The following EML6 variants were observed in gnomAD, a reference collection of about 807,000 sequenced individuals.
The protein encoded by EML6 is EMAP like 6.
Under a neutral mutation model 240.1 loss-of-function variants are expected in EML6, and 154 were observed. The ratio of observed to expected loss-of-function variants is 0.64; its 90% CI spans 0.56 to 0.73. The LOEUF (loss-of-function observed/expected upper bound fraction) is 0.73, where lower values mean the gene tolerates loss of function less well. Among genes scored for constraint, EML6 ranks in the 30% least tolerant of loss-of-function variants. The pLI, the probability that EML6 is intolerant of heterozygous loss-of-function variation, is 0.00. For synonymous variants in EML6, 1,148 were observed against 899.0 expected (o/e 1.28, Z -4.95); for missense variants, 2,964 against 2,474.6 (o/e 1.20, Z -4.20).
At chr2:54,828,524 A>G (rs1354845163) in intron 6 of EML6, among the ~76,000 whole-genome samples, 3 of 152,254 alleles carry the variant, frequency 2.0e-5, no homozygotes, top group Non-Finnish European at 2.9e-5. Context: ...TTGATTCCCT[A>G]TACCCTTAAT....
chr2:54,969,821 G>T (rs1027127844), intron 41 of EML6, among the ~76,000 whole-genome samples: 1 of 152,088 alleles, frequency 6.6e-6, no homozygotes, highest in Non-Finnish European at 1.5e-5. Flanking sequence ...AGTCCTCACG[G>T]ACCAACATTT....
chr2:54,763,568 A>G (rs1668062830), intron 2 of EML6, among the ~76,000 whole-genome samples: 1 of 152,148 alleles, frequency 6.6e-6, no homozygotes, highest in Non-Finnish European at 1.5e-5. Flanking sequence ...AATCAAACAC[A>G]GTGTTTGGCT....
chr2:54,913,615 C>T (rs1673757456), intron 25 of EML6, among the ~76,000 whole-genome samples: 1 of 152,038 alleles, frequency 6.6e-6, no homozygotes, highest in African/African-American at 2.4e-5. Context: ...TTTTCTCTGT[C>T]GATATTTTCT....
intron 24 of EML6, among the ~76,000 whole-genome samples, chr2:54,906,581 C>A (rs1303699468): frequency 2.6e-5 from 4 of 152,158 alleles, no homozygotes; most frequent in African/African-American, 9.7e-5. Context: ...AGCCACCATG[C>A]TTCTCATTGT....
chr2:54,832,606 C>G (rs1668935222), intron 7 of EML6, among the ~76,000 whole-genome samples: 1 of 152,250 alleles, frequency 6.6e-6, no homozygotes, highest in Admixed American at 6.5e-5. Context: ...GCTCCCCCTT[C>G]AGCCAGGCAA....
At chr2:54,816,290 T>G (rs542750311) in intron 3 of EML6, among the ~76,000 whole-genome samples, 232 of 152,324 alleles carry the variant, frequency 1.5e-3, no homozygotes, top group Middle Eastern at 0.014. Context: ...CTACTTAGAT[T>G]ATATTATCTT....
chr2:54,857,698 G>C (rs565026679), intron 11 of EML6, among the ~76,000 whole-genome samples: 1 of 152,290 alleles, frequency 6.6e-6, no homozygotes, highest in East Asian at 1.9e-4. Context: ...ATTTGACTTA[G>C]AACCTGAAGG....
intron 2 of EML6, among the ~76,000 whole-genome samples, chr2:54,790,850 C>T (rs371121787): frequency 1.3e-5 from 2 of 151,644 alleles, no homozygotes; most frequent in African/African-American, 4.8e-5. Context: ...CTCAGCCTCC[C>T]GAGTAGCTGG....
At chr2:54,787,512 A>G (rs1204582337) in intron 2 of EML6, among the ~76,000 whole-genome samples, 1 of 152,176 alleles carries the variant, frequency 6.6e-6, no homozygotes, top group Non-Finnish European at 1.5e-5. Flanking sequence ...CTGTAAAGAG[A>G]GATAAGTTTG....
At chr2:54,902,140 T>C (rs898457391) in intron 22 of EML6, among the ~76,000 whole-genome samples, 28 of 151,316 alleles carry the variant, frequency 1.9e-4, no homozygotes, top group African/African-American at 5.8e-4. Context: ...CTAAAGCAAG[T>C]TGTATGTAAG....
chr2:54,887,482 G>C (rs181425276), intron 17 of EML6, among the ~76,000 whole-genome samples: 1 of 152,154 alleles, frequency 6.6e-6, no homozygotes, highest in African/African-American at 2.4e-5. Context: ...CTTTGAATTT[G>C]CTGTGGTGTT....
chr2:54,915,545 TA>T (rs1245960684), intron 25 of EML6, among the ~76,000 whole-genome samples: 1 of 152,118 alleles, frequency 6.6e-6, no homozygotes, highest in Non-Finnish European at 1.5e-5. Context: ...TCTGTGTTCC[TA>T]CCCAAGGCCC....
intron 8 of EML6, among the ~76,000 whole-genome samples, chr2:54,846,871 A>C (rs1048378851): frequency 6.6e-6 from 1 of 151,666 alleles, no homozygotes; most frequent in African/African-American, 2.4e-5. Flanking sequence ...CTTGGTATAC[A>C]TAAAGGACCA....
chr2:54,849,355 G>A (rs1020847329), intron 9 of EML6, among the ~76,000 whole-genome samples: 5 of 152,122 alleles, frequency 3.3e-5, no homozygotes, highest in African/African-American at 7.2e-5. Flanking sequence ...TCAAACGCTG[G>A]ATCTTATTTC....
rs754147048 is a variant in EML6, at chr2:54,816,784, T to C, written c.358-3T>C. 138 of 1,547,242 alleles carry C rather than the reference T, an allele frequency of 8.9e-5. No individual in the cohort carries two copies. In the South Asian group the frequency reaches 1.0e-3, roughly 11 times the overall value. ...GGTACTAAATTATTGTTCTTATTCT[T>C]AGCGTTTAGCCTCTGTGGGGTTGGA... On this transcript the variant is annotated splice_polypyrimidine_tract_variant and splice_region_variant and intron_variant, in intron 3 of 41. Transcript: ENST00000356458.
chr2:54,957,930 A>C lies in EML6; in HGVS notation c.4627A>C (p.Lys1543Gln). 6.4e-7 allele frequency: 1 copy of C among 1,551,650 alleles called. No homozygotes were observed. Among genetic ancestry groups the C allele is most frequent in the Non-Finnish European group, 8.7e-7 (1 of 1,146,996 alleles). ...CCTGGCAGGCAGCGCCTTGCTTTAC[A>C]AGAAAGGGGTCATCGGGTCCCTGGG... Reference protein sequence around the residue: ...WTLAGSALLYKKGVIGSLGAA... With the variant: ...WTLAGSALLYQKGVIGSLGAA... The change falls in exon 33 of 42, where the codon AAG becomes CAG. Residue 1543 changes from lysine (K) to glutamine (Q), a missense_variant. Lys to Gln is a moderately conservative substitution (Grantham distance 53, BLOSUM62 1). Transcript: ENST00000356458.
At chr2:54,868,282 G>A (rs185337362) in intron 14 of EML6, 189 of 152,004 alleles carry the variant, frequency 1.2e-3, no homozygotes, top group African/African-American at 4.3e-3. Context: ...TAGTAAAGTC[G>A]ACTAAATCAA....
chr2:54,789,879 T>C (rs1319269069), intron 2 of EML6, among the ~76,000 whole-genome samples: 1 of 152,228 alleles, frequency 6.6e-6, no homozygotes, highest in African/African-American at 2.4e-5. Context: ...CAGGGAGAGC[T>C]TTATGACACA....
At chr2:54,783,547 T>A (rs1428295719) in intron 2 of EML6, among the ~76,000 whole-genome samples, 1 of 152,202 alleles carries the variant, frequency 6.6e-6, no homozygotes, top group Non-Finnish European at 1.5e-5. Context: ...CAATCTAATT[T>A]AAAAAATTTA....
Sources: gnomAD v4.1 joint callset for allele counts (sites outside exome capture counted in the v4.1 genomes callset) on GRCh38, gnomAD v4.1.1 for gene constraint, MANE v1.5 for transcripts, NCBI Gene and HGNC (gene_info 2026-07-23, HGNC 2026-07-21) for gene names.